Variants in MIR17HG observed in about 807,000 individuals in gnomAD.
MIR17HG encodes the protein miR-17-92a-1 cluster host gene.
chr13:91,352,558 A>C (rs1459007391), intron 3 of MIR17HG, among the ~76,000 whole-genome samples: 5 of 152,256 alleles, frequency 3.3e-5, no homozygotes, highest in African/African-American at 1.2e-4. Flanking sequence ...TCTGAAGTCT[A>C]ACAAAAGTTT....
At chr13:91,349,429 C>T (rs1316932571) in intron 1 of MIR17HG, among the ~76,000 whole-genome samples, 1 of 151,750 alleles carries the variant, frequency 6.6e-6, no homozygotes, top group Non-Finnish European at 1.5e-5. Context: ...TCGGTGATTG[C>T]TGCTGATCAT....
At chr13:91,353,534 A>T (rs575821859) in intron 3 of MIR17HG, among the ~76,000 whole-genome samples, 1 of 152,252 alleles carries the variant, frequency 6.6e-6, no homozygotes, top group Non-Finnish European at 1.5e-5. Context: ...TTTCTTAGGC[A>T]TGCTAACATG....
At chr13:91,353,421 T>A (rs1368559729) in intron 3 of MIR17HG, among the ~76,000 whole-genome samples, 1 of 152,198 alleles carries the variant, frequency 6.6e-6, no homozygotes, top group Non-Finnish European at 1.5e-5. Context: ...GTTGTGGGTT[T>A]GGTAGTGATC....
At chr13:91,350,818 G>C (rs772872341) in intron 3 of MIR17HG, 1 of 534,712 alleles carries the variant, frequency 1.9e-6, no homozygotes, top group Admixed American at 1.9e-5. Flanking sequence ...TGCTCCTTCT[G>C]GCATAAGAAG....
At chr13:91,350,928 A>T in intron 3 of MIR17HG, 1 of 534,542 alleles carries the variant, frequency 1.9e-6, no homozygotes, top group Non-Finnish European at 3.8e-6. Context: ...GCACTACAAG[A>T]AGAATGTAGT....
At chr13:91,349,790 C>T (rs1218008097) in intron 2 of MIR17HG, 1 of 152,084 alleles carries the variant, frequency 6.6e-6, no homozygotes, top group Non-Finnish European at 1.5e-5. Flanking sequence ...TTCTGATTTT[C>T]TTGAACTTTT....
intron 3 of MIR17HG, among the ~76,000 whole-genome samples, chr13:91,352,674 C>A (rs72640334): frequency 0.08 from 12,130 of 152,096 alleles, 1,049 homozygotes; most frequent in African/African-American, 0.21. Context: ...CATAAATTTT[C>A]AGGATGTGAA....
Position 91,350,436 on chromosome 13 carries a change from A to G in MIR17HG, n.284+210A>G, listed in dbSNP as rs1045024415. Reference sequence around the variant, plus strand: ...AAGGCATAAATACGTGTCTAAATGGACCTCATATCTTTGAGATAATTAAAC... The same window carrying G: ...AAGGCATAAATACGTGTCTAAATGGGCCTCATATCTTTGAGATAATTAAAC... On this transcript the variant is annotated intron_variant and non_coding_transcript_variant, in intron 3 of 3. Transcript: ENST00000400282. 8.2e-6 allele frequency: 3 copies of G among 366,106 alleles called. No homozygotes were observed. The East Asian group carries it at 2.2e-4, about 27-fold the overall frequency. The allele number at this position is 366,106 out of a possible 1,614,324, so 22.7% of individuals were successfully genotyped here.
At chr13:91,348,688 C>T (rs1380579853) in intron 1 of MIR17HG, among the ~76,000 whole-genome samples, 1 of 150,676 alleles carries the variant, frequency 6.6e-6, no homozygotes, top group South Asian at 2.1e-4. Flanking sequence ...GCCTCAGCCG[C>T]GGCGTGGAGC....
intron 3 of MIR17HG, among the ~76,000 whole-genome samples, chr13:91,352,767 TTG>T (rs929542295): frequency 6.6e-6 from 1 of 152,140 alleles, no homozygotes; most frequent in African/African-American, 2.4e-5. Flanking sequence ...GACCTAATAA[TTG>T]TGTCTTTTTG....
intron 1 of MIR17HG, among the ~76,000 whole-genome samples, chr13:91,348,223 C>G (rs1475495191): frequency 2.7e-5 from 4 of 149,612 alleles, no homozygotes; most frequent in Admixed American, 2.7e-4. Flanking sequence ...CGGCCGCGCC[C>G]GGGACCCGCG....
intron 1 of MIR17HG, among the ~76,000 whole-genome samples, chr13:91,349,400 C>T (rs1450123597): frequency 3.3e-5 from 5 of 151,376 alleles, no homozygotes; most frequent in African/African-American, 4.9e-5. Flanking sequence ...TTTCCTTTTA[C>T]TGGAGCTGTA....
At chr13:91,353,727 G>A (rs1875438445) in intron 3 of MIR17HG, among the ~76,000 whole-genome samples, 2 of 150,346 alleles carry the variant, frequency 1.3e-5, no homozygotes, top group Admixed American at 6.6e-5. Flanking sequence ...AGGTCATGTT[G>A]CTTTAGGTTT....
intron 1 of MIR17HG, among the ~76,000 whole-genome samples, chr13:91,349,327 G>A (rs1432802993): frequency 6.6e-6 from 1 of 152,040 alleles, no homozygotes; most frequent in Non-Finnish European, 1.5e-5. Context: ...ATCCCGGCTT[G>A]CAGCCACGAG....
intron 1 of MIR17HG, among the ~76,000 whole-genome samples, chr13:91,349,034 G>T (rs1052931545): frequency 2.0e-5 from 3 of 151,484 alleles, no homozygotes; most frequent in Non-Finnish European, 2.9e-5. Flanking sequence ...GGTTGGGGGG[G>T]TTGCCGCGTC....
At chr13:91,348,611 C>A (rs1478747898) in intron 1 of MIR17HG, among the ~76,000 whole-genome samples, 1 of 150,970 alleles carries the variant, frequency 6.6e-6, no homozygotes, top group Non-Finnish European at 1.5e-5. Flanking sequence ...TTTGTTAGCC[C>A]GCGTGGGCAG....
At chr13:91,348,860 A>G (rs2138688433) in intron 1 of MIR17HG, among the ~76,000 whole-genome samples, 1 of 148,856 alleles carries the variant, frequency 6.7e-6, no homozygotes, top group East Asian at 2.0e-4. Context: ...TTCCCGGCTT[A>G]GGCCTCGGGC....
intron 3 of MIR17HG, among the ~76,000 whole-genome samples, chr13:91,353,106 A>G (rs932091586): frequency 7.7e-6 from 1 of 130,360 alleles, no homozygotes; most frequent in African/African-American, 2.9e-5. Flanking sequence ...CAAGACTTAA[A>G]CGCAAAAAAA....
intron 1 of MIR17HG, among the ~76,000 whole-genome samples, chr13:91,349,321 C>T (rs569413040): frequency 3.7e-4 from 57 of 152,104 alleles, no homozygotes; most frequent in African/African-American, 1.3e-3. Context: ...CTCTTTATCC[C>T]GGCTTGCAGC....
Sources: gnomAD v4.1 joint callset for allele counts (sites outside exome capture counted in the v4.1 genomes callset) on GRCh38, gnomAD v4.1.1 for gene constraint, MANE v1.5 for transcripts, NCBI Gene and HGNC (gene_info 2026-07-23, HGNC 2026-07-21) for gene names.